Variants in CREBBP observed in about 807,000 individuals in gnomAD.
CREBBP encodes CREB-binding protein.
In CREBBP, 19 loss-of-function variants were observed where a neutral mutation model predicts 265.0. The observed-to-expected ratio is 0.07, with a 90% CI of 0.05 to 0.11. The LOEUF is 0.11. CREBBP is among the 10% of genes least tolerant of loss of function. CREBBP has a pLI of 1.00. For synonymous variants in CREBBP, 1,457 were observed against 1,223.7 expected (o/e 1.19, Z -3.98); for missense variants, 2,525 against 3,219.0 (o/e 0.78, Z 5.22).
intron 17 of CREBBP, 93 bp downstream of exon 17, chr16:3,758,761 G>A (rs986544689): frequency 2.1e-6 from 2 of 968,748 alleles, no homozygotes; most frequent in African/African-American, 3.2e-5. Flanking sequence ...TTCAAGGCAG[G>A]GGGATTATTT....
intron 23 of CREBBP, chr16:3,740,838 T>C (rs1455060865): frequency 4.5e-6 from 2 of 447,942 alleles, no homozygotes; most frequent in Non-Finnish European, 4.1e-6. Flanking sequence ...GGGTCCAAAA[T>C]TGACAGGGGC....
chr16:3,873,645 C>A (rs1001045563), intron 1 of CREBBP, among the ~76,000 whole-genome samples: 1 of 152,136 alleles, frequency 6.6e-6, no homozygotes, highest in African/African-American at 2.4e-5. Context: ...CTCATAACCA[C>A]CCTGAGATGG....
intron 2 of CREBBP, among the ~76,000 whole-genome samples, chr16:3,834,809 G>A (rs964672908): frequency 2.6e-5 from 4 of 152,134 alleles, no homozygotes; most frequent in African/African-American, 9.7e-5. Context: ...GAAAATCTCT[G>A]TACCTTCATT....
Position 3,725,917 on chromosome 16 carries a change from GA to G in CREBBP, c.*1800del, listed in dbSNP as rs2151294455. The G allele has an allele frequency of 4.3e-6, 1 of 233,192 alleles. No homozygotes were observed. Among genetic ancestry groups the G allele is most frequent in the Non-Finnish European group, 8.5e-6 (1 of 118,026 alleles). 14.4% of individuals were successfully genotyped at this position (233,192 alleles called of 1,614,324 possible). ...GGTGCTGGGGGTGGTAGACTTAGGG[GA>G]TGAACTTCAGCTCCCCTGCCCATGG... On this transcript the variant is annotated 3_prime_UTR_variant, in exon 31 of 31. Transcript: ENST00000262367.
At chr16:3,813,888 G>A (rs569838596) in intron 2 of CREBBP, among the ~76,000 whole-genome samples, 1 of 152,190 alleles carries the variant, frequency 6.6e-6, no homozygotes, top group Non-Finnish European at 1.5e-5. Flanking sequence ...GGTGACAGCT[G>A]AAGGGGTGGG....
At chr16:3,766,650 C>T (rs945272939) in intron 16 of CREBBP, among the ~76,000 whole-genome samples, 26 of 151,986 alleles carry the variant, frequency 1.7e-4, no homozygotes, top group Admixed American at 1.6e-3. Flanking sequence ...TTCCGCTTCT[C>T]GAGCAGCTAG....
Position 3,731,856 on chromosome 16 carries a change from T to C in CREBBP, c.4810A>G (p.Asn1604Asp). 1 of 1,614,258 alleles carries C rather than the reference T, an allele frequency of 6.2e-7. No homozygotes were observed. The highest frequency in any genetic ancestry group is 8.5e-7 in the Non-Finnish European group (1 of 1,180,044). Residue 1604 changes from asparagine to aspartate, a missense_variant, in exon 29 of 31, where the codon AAC becomes GAC. This residue lies in a region of CREBBP where 93 missense variants were observed against 161.5 expected (regional missense o/e 0.58). Transcript: ENST00000262367. The surrounding 1 kb of genome is among the most constrained non-coding windows in gnomAD (Gnocchi z 7.7). ...NKNKSSISRA[N>D]KKKPSMPNVS... ...TTGGGCATGCTGGGCTTCTTCTTGT[T>C]GGCGCGGCTGATGCTGCTTTTGTTC...
chr16:3,807,206 T>C (rs2053847791), intron 3 of CREBBP, among the ~76,000 whole-genome samples: 1 of 152,138 alleles, frequency 6.6e-6, no homozygotes, highest in African/African-American at 2.4e-5. Flanking sequence ...CCTTCCTCAA[T>C]GCTACCCAGT....
At chr16:3,853,758 G>A (rs867694359) in intron 1 of CREBBP, among the ~76,000 whole-genome samples, 136 of 151,844 alleles carry the variant, frequency 9.0e-4, no homozygotes, top group African/African-American at 3.0e-3. Flanking sequence ...CTAATATGGC[G>A]AAGCCCTATC....
At chr16:3,839,775 GGGAA>G (rs1377840226) in intron 2 of CREBBP, among the ~76,000 whole-genome samples, 5 of 145,786 alleles carry the variant, frequency 3.4e-5, no homozygotes, top group Admixed American at 7.0e-5. Context: ...AGGGAAGGAA[GGGAA>G]GGAAGGAAGG....
At chr16:3,827,039 C>T (rs1362758610) in intron 2 of CREBBP, among the ~76,000 whole-genome samples, 1 of 152,164 alleles carries the variant, frequency 6.6e-6, no homozygotes, top group Non-Finnish European at 1.5e-5. Flanking sequence ...CCTGTAGTTT[C>T]ATCTACTGAG....
rs2053178466 is a variant in CREBBP, at chr16:3,777,730, A to C, written c.2114-73T>G. ...ATATAATCCTTGATTCAGGAATAGG[A>C]AATTTCTTATTAGGACTTCAAACTT... On this transcript the variant is annotated intron_variant, in intron 10 of 30. Transcript: ENST00000262367. 3.8e-6 allele frequency: 6 copies of C among 1,566,284 alleles called. No homozygotes were observed. In the South Asian group the frequency reaches 5.6e-5, roughly 15 times the overall value.
At chr16:3,792,589 C>T (rs184894645) in intron 4 of CREBBP, among the ~76,000 whole-genome samples, 6 of 152,250 alleles carry the variant, frequency 3.9e-5, no homozygotes, top group South Asian at 4.1e-4. Flanking sequence ...CTGGTTATTC[C>T]GTCTTCATCT....
chr16:3,804,416 G>A (rs904447437), intron 3 of CREBBP, among the ~76,000 whole-genome samples: 1 of 152,178 alleles, frequency 6.6e-6, no homozygotes, highest in African/African-American at 2.4e-5. Context: ...TGGACAGACT[G>A]TCTTTTTGGT....
chr16:3,810,505 C>T (rs867444675), intron 3 of CREBBP, 98 bp downstream of exon 3: 2 of 1,422,246 alleles, frequency 1.4e-6, no homozygotes, highest in East Asian at 2.3e-5. Context: ...CCTACTGACA[C>T]ACTTTTAGTT....
intron 20 of CREBBP, among the ~76,000 whole-genome samples, chr16:3,750,163 G>A (rs1596836044): frequency 6.6e-6 from 1 of 152,122 alleles, no homozygotes; most frequent in Non-Finnish European, 1.5e-5. Context: ...ACCACGCCCT[G>A]TTAAGTTTTT....
At chr16:3,852,270 G>A (rs553947887) in intron 1 of CREBBP, among the ~76,000 whole-genome samples, 30 of 136,824 alleles carry the variant, frequency 2.2e-4, no homozygotes, top group African/African-American at 6.4e-4. Context: ...CCGGGTTCAC[G>A]CCACTGTCCT....
chr16:3,746,816 G>A (rs960001086), intron 21 of CREBBP, among the ~76,000 whole-genome samples: 2 of 152,148 alleles, frequency 1.3e-5, no homozygotes, highest in African/African-American at 4.8e-5. Flanking sequence ...ATGGTGGTGT[G>A]TGCCTGTAGT....
rs369510235 is a variant in CREBBP at position 3,738,314 on chromosome 16, TA to T, written c.4394+244del. Among the ~76,000 whole-genome samples the T allele has an allele frequency of 8.3e-3, 1,094 of 131,094 alleles. 3 individuals are homozygous for T. The highest frequency in any genetic ancestry group is 1.0e-2 in the Non-Finnish European group (597 of 59,786). 86.0% of individuals were successfully genotyped at this position (131,094 alleles called of 152,430 possible). On this transcript the variant is annotated intron_variant, in intron 26 of 30. Transcript: ENST00000262367. ...TATGTAAACTTTGCCTCAATAAAGT[TA>T]AAAAAAAAAAAAAAGGGAATGAAAA...
Sources: gnomAD v4.1 joint callset for allele counts (sites outside exome capture counted in the v4.1 genomes callset) on GRCh38, gnomAD v4.1.1 for gene constraint, gnomAD v4.1.1 regional missense constraint, Gnocchi (gnomAD v3.1) non-coding constraint, MANE v1.5 for transcripts, NCBI Gene and HGNC (gene_info 2026-07-23, HGNC 2026-07-21) for gene names.